Variants in ABCB1 observed in about 807,000 individuals in gnomAD.
ABCB1 encodes ATP binding cassette subfamily B member 1.
In ABCB1, 69 loss-of-function variants were observed where a neutral mutation model predicts 142.0. The ratio of observed to expected loss-of-function variants is 0.49; its 90% CI spans 0.40 to 0.59. The LOEUF (loss-of-function observed/expected upper bound fraction) is 0.59, where lower values mean the gene tolerates loss of function less well. Ranked by LOEUF, ABCB1 falls within the 20% of genes least tolerant of loss-of-function variation. The probability of loss-of-function intolerance (pLI) is 0.00; values close to 1 mark genes in which losing one functional copy is unlikely to be tolerated. For missense variants in ABCB1, 1,326 were observed against 1,554.7 expected (o/e 0.85, Z 2.47); for synonymous variants, 532 against 539.2 (o/e 0.99, Z 0.18).
At chr7:87,653,427 A>G (rs1823777277) in intron 1 of ABCB1, among the ~76,000 whole-genome samples, 1 of 152,084 alleles carries the variant, frequency 6.6e-6, no homozygotes, top group African/African-American at 2.4e-5. Context: ...CAGCTAGCAC[A>G]AAGGATCACA....
chr7:87,553,206 G>C (rs1336656302), intron 9 of ABCB1, among the ~76,000 whole-genome samples: 1 of 151,914 alleles, frequency 6.6e-6, no homozygotes, highest in Non-Finnish European at 1.5e-5. Context: ...TATTGAGATT[G>C]CTAACGTTAA....
chr7:87,664,183 AG>A (rs1168037930), intron 1 of ABCB1, among the ~76,000 whole-genome samples: 1 of 152,062 alleles, frequency 6.6e-6, no homozygotes, highest in Admixed American at 6.6e-5. Context: ...CAGGGTAGCC[AG>A]GCATGGTGGC....
At chr7:87,590,132 A>T (rs191621341) in intron 3 of ABCB1, among the ~76,000 whole-genome samples, 8 of 152,336 alleles carry the variant, frequency 5.3e-5, no homozygotes, top group Admixed American at 2.0e-4. Context: ...ATATCTTTCA[A>T]ATATTTGAAA....
rs1563043965 is a variant in ABCB1, at chr7:87,544,185, T to C, written c.2155A>G (p.Ile719Val). The stretch of plus-strand genomic sequence containing the variant: ...GCTGGTTGCAGGCCTCCATTTATAA[T>C]GGCACAAAATACACCAACAACAAAA... ...PYFVVGVFCA[I>V]INGGLQPAFA... The change falls in exon 17 of 28, where the codon ATT becomes GTT. Residue 719 changes from isoleucine to valine, a missense_variant. Transcript: ENST00000622132. The C allele has an allele frequency of 1.2e-6, 2 of 1,614,012 alleles. No individual in the cohort carries two copies. The highest frequency in any genetic ancestry group is 1.7e-6 in the Non-Finnish European group (2 of 1,179,942).
At chr7:87,615,317 C>T (rs1819998891) in intron 1 of ABCB1, among the ~76,000 whole-genome samples, 1 of 152,114 alleles carries the variant, frequency 6.6e-6, no homozygotes, top group Non-Finnish European at 1.5e-5. Flanking sequence ...GTGTTTAGTC[C>T]ACTGAGAGTT....
Position 87,527,131 on chromosome 7 carries a change from T to C in ABCB1, c.2685+4163A>G, listed in dbSNP as rs572978299. ...TTGGCAGAAGCTCCTTCTCCTGCTA[T>C]CTTGACATTTTTTTAAAGCCAAATA... is the stretch of plus-strand genomic sequence containing the variant. On this transcript the variant is annotated intron_variant, in intron 21 of 27. Transcript: ENST00000622132. Among the ~76,000 whole-genome samples, 13 of 152,304 alleles carry C rather than the reference T, an allele frequency of 8.5e-5. No individual in the cohort carries two copies. The South Asian group carries it at 2.7e-3, about 32-fold the overall frequency.
chr7:87,582,508 A>G (rs1197578687), intron 4 of ABCB1, among the ~76,000 whole-genome samples: 1 of 152,242 alleles, frequency 6.6e-6, no homozygotes. Context: ...TGGCACACAG[A>G]ATGCTCTAAT....
chr7:87,603,834 C>T (rs1259134067), upstream of ABCB1, among the ~76,000 whole-genome samples: 1 of 152,198 alleles, frequency 6.6e-6, no homozygotes, highest in Non-Finnish European at 1.5e-5. Flanking sequence ...TCTGCTATCC[C>T]ACAGTTACCT....
At chr7:87,516,274 ATT>A (rs1563029784) in intron 24 of ABCB1, among the ~76,000 whole-genome samples, 3 of 152,174 alleles carry the variant, frequency 2.0e-5, no homozygotes, top group African/African-American at 7.2e-5. Flanking sequence ...AAAAAATCTG[ATT>A]AATAGGTTTT....
chr7:87,553,174 C>T (rs1817154670), intron 9 of ABCB1, among the ~76,000 whole-genome samples: 1 of 152,076 alleles, frequency 6.6e-6, no homozygotes, highest in Non-Finnish European at 1.5e-5. Flanking sequence ...CACAAATAAT[C>T]TCAACAAATA....
chr7:87,512,974 T>G (rs1815083546), intron 25 of ABCB1, among the ~76,000 whole-genome samples: 1 of 152,208 alleles, frequency 6.6e-6, no homozygotes, highest in Non-Finnish European at 1.5e-5. Flanking sequence ...TATTTCCCAG[T>G]TTCCCTTGGT....
intron 21 of ABCB1, among the ~76,000 whole-genome samples, chr7:87,529,877 C>T (rs1190108040): frequency 6.6e-6 from 1 of 152,188 alleles, no homozygotes; most frequent in East Asian, 1.9e-4. Flanking sequence ...TGAGCCAGAC[C>T]ACAATAGAAC....
chr7:87,681,795 G>C (rs1826956079), intron 1 of ABCB1, among the ~76,000 whole-genome samples: 1 of 152,148 alleles, frequency 6.6e-6, no homozygotes, highest in Non-Finnish European at 1.5e-5. Flanking sequence ...AGGATCACTT[G>C]AGTTCCAGAC....
intron 4 of ABCB1, among the ~76,000 whole-genome samples, chr7:87,584,255 C>A (rs1818637680): frequency 6.6e-6 from 1 of 152,146 alleles, no homozygotes; most frequent in Non-Finnish European, 1.5e-5. Flanking sequence ...ATCAAAAGAT[C>A]CGTATATACC....
chr7:87,659,784 T>C (rs968597841), intron 1 of ABCB1, among the ~76,000 whole-genome samples: 29 of 152,194 alleles, frequency 1.9e-4, no homozygotes, highest in African/African-American at 7.0e-4. Context: ...ACCTTCAGAA[T>C]CTTTTAATGT....
intron 25 of ABCB1, among the ~76,000 whole-genome samples, chr7:87,513,225 T>C (rs1815094303): frequency 7.8e-6 from 1 of 127,724 alleles, no homozygotes; most frequent in African/African-American, 3.3e-5. Context: ...GATTTGGAAG[T>C]CTGGGAGCAA....
chr7:87,541,506 A>G (rs767828704), intron 17 of ABCB1, 42 bp from the exon 18 acceptor site: 3 of 1,374,176 alleles, frequency 2.2e-6, no homozygotes, highest in Admixed American at 3.4e-5. Flanking sequence ...CAATCAGTGA[A>G]GAACCCATCC....
intron 1 of ABCB1, among the ~76,000 whole-genome samples, chr7:87,702,142 CAAAAAAAAA>C (rs146127516): frequency 1.2e-4 from 2 of 16,772 alleles, no homozygotes; most frequent in African/African-American, 1.7e-4. Context: ...GACTCTGTCT[CAAAAAAAAA>C]AAAAAAAAAA....
At chr7:87,703,501 T>A (rs1375340470) in intron 1 of ABCB1, among the ~76,000 whole-genome samples, 1 of 152,166 alleles carries the variant, frequency 6.6e-6, no homozygotes, top group Non-Finnish European at 1.5e-5. Flanking sequence ...AGTTCACTTG[T>A]TAAAGCCACT....
Sources: allele counts gnomAD v4.1 joint callset (sites outside exome capture counted in the v4.1 genomes callset), GRCh38; gene constraint gnomAD v4.1.1; transcripts MANE v1.5; gene names NCBI Gene and HGNC (gene_info 2026-07-23, HGNC 2026-07-21).